Variants in DPYSL3 observed in about 807,000 individuals in gnomAD.
DPYSL3 encodes dihydropyrimidinase like 3, also known as dihydropyrimidinase-related protein 3.
A neutral mutation model predicts 66.1 loss-of-function variants in DPYSL3; 16 were observed. The ratio of observed to expected loss-of-function variants is 0.24; its 90% CI spans 0.16 to 0.37. The LOEUF (loss-of-function observed/expected upper bound fraction) is 0.37. DPYSL3 is among the 10% of genes least tolerant of loss of function. The pLI, the probability that DPYSL3 is intolerant of heterozygous loss-of-function variation, is 1.00. For synonymous variants in DPYSL3, 338 were observed against 345.1 expected, an observed-to-expected ratio of 0.98 and a Z score of 0.23; for missense variants, 738 against 916.2, an observed-to-expected ratio of 0.81 and a Z score of 2.51.
intron 1 of DPYSL3, among the ~76,000 whole-genome samples, chr5:147,484,952 C>T (rs1352689811): frequency 6.6e-6 from 1 of 152,188 alleles, no homozygotes; most frequent in Non-Finnish European, 1.5e-5. Context: ...AGTTTCTCAC[C>T]AGCATCGTTC....
intron 1 of DPYSL3, among the ~76,000 whole-genome samples, chr5:147,485,262 T>G (rs924808326): frequency 3.9e-5 from 6 of 152,190 alleles, no homozygotes; most frequent in African/African-American, 1.4e-4. Context: ...AGCGTGAGTT[T>G]GGAGATTTAG....
At chr5:147,482,996 G>A (rs1270622949) in intron 1 of DPYSL3, among the ~76,000 whole-genome samples, 1 of 152,148 alleles carries the variant, frequency 6.6e-6, no homozygotes, top group Admixed American at 6.5e-5. Flanking sequence ...GCAGCATGGG[G>A]GAACTGCTCC....
intron 1 of DPYSL3, among the ~76,000 whole-genome samples, chr5:147,464,738 C>T (rs952518664): frequency 6.6e-6 from 1 of 152,062 alleles, no homozygotes; most frequent in Non-Finnish European, 1.5e-5. Flanking sequence ...ACCATCTGGA[C>T]CAGTGAAGGT....
At chr5:147,424,799 T>C in intron 2 of DPYSL3, 76 bp downstream of exon 2, 2 of 1,149,980 alleles carry the variant, frequency 1.7e-6, no homozygotes, top group Non-Finnish European at 2.5e-6. Flanking sequence ...TACATTCATG[T>C]AATCCAACCT....
chr5:147,482,768 T>C (rs1385739241), intron 1 of DPYSL3, among the ~76,000 whole-genome samples: 2 of 152,216 alleles, frequency 1.3e-5, no homozygotes, highest in East Asian at 1.9e-4. Context: ...GGTATAAAGA[T>C]ACTGCCTTAG....
At chr5:147,434,437 C>G (rs1417958827) in intron 1 of DPYSL3, among the ~76,000 whole-genome samples, 3 of 152,198 alleles carry the variant, frequency 2.0e-5, no homozygotes, top group Non-Finnish European at 4.4e-5. Flanking sequence ...TTCAATCAAA[C>G]AGGATCTCTT....
Position 147,418,577 on chromosome 5 carries a change from A to T in DPYSL3, c.525T>A (p.Asn175Lys). Residue 175 changes from asparagine to lysine, a missense_variant, in exon 3 of 14, where the codon AAT becomes AAA. Transcript: ENST00000343218. ...TGCCTCCAGGGATCACCATCTTCCC[A>T]TTGGCTTCAATGGTCTTCACTCCTC... The part of the protein sequence containing the change: ...VPGGVKTIEA[N>K]GKMVIPGGID... 1 of 1,612,210 alleles carries T rather than the reference A, an allele frequency of 6.2e-7. No individual in the cohort carries two copies. Among genetic ancestry groups the T allele is most frequent in the East Asian group, 2.2e-5 (1 of 44,840 alleles).
At chr5:147,475,195 C>A (rs763754393) in intron 1 of DPYSL3, among the ~76,000 whole-genome samples, 6 of 152,026 alleles carry the variant, frequency 3.9e-5, no homozygotes, top group Non-Finnish European at 8.8e-5. Flanking sequence ...CCTGGAAACA[C>A]CCCAAATATC....
At chr5:147,408,597 G>A in intron 7 of DPYSL3, 131 bp downstream of exon 7, 1 of 913,834 alleles carries the variant, frequency 1.1e-6, no homozygotes, top group Non-Finnish European at 1.7e-6. Context: ...ACGGGCTCCT[G>A]AGTTAGAGTC....
intron 1 of DPYSL3, among the ~76,000 whole-genome samples, chr5:147,499,421 T>C (rs1202968356): frequency 6.6e-6 from 1 of 152,084 alleles, no homozygotes; most frequent in Non-Finnish European, 1.5e-5. Context: ...AATGAAATAC[T>C]TAGGTATAAA....
In DPYSL3 at chr5:147,392,574, CT is replaced by C. The variant is rs1757842997; in HGVS notation, c.*1460del. ...TCTTCTGAAAATGAGCATCTTGGTT[CT>C]ATAGATTCTTATCTTGCTCACAGGA... On this transcript the variant is annotated 3_prime_UTR_variant, in exon 14 of 14. Transcript: ENST00000343218. 1 of 152,212 alleles carries C rather than the reference CT, an allele frequency of 6.6e-6. No individual in the cohort carries two copies. Among genetic ancestry groups the C allele is most frequent in the South Asian group, 2.1e-4 (1 of 4,834 alleles). The allele number at this position is 152,212 out of a possible 1,614,324, so 9.4% of individuals were successfully genotyped here.
intron 1 of DPYSL3, among the ~76,000 whole-genome samples, chr5:147,497,709 A>T (rs1409011814): frequency 1.8e-5 from 1 of 55,856 alleles, no homozygotes; most frequent in Non-Finnish European, 3.6e-5. Flanking sequence ...ATTCATGATA[A>T]AAAAAAAAAA....
chr5:147,418,334 T>G, intron 3 of DPYSL3, 113 bp downstream of exon 3: 1 of 1,155,528 alleles, frequency 8.7e-7, no homozygotes, highest in Non-Finnish European at 1.2e-6. Flanking sequence ...GCAACACATC[T>G]ATAAACTGAA....
intron 1 of DPYSL3, among the ~76,000 whole-genome samples, chr5:147,457,868 A>G (rs1046733729): frequency 7.2e-5 from 11 of 152,234 alleles, no homozygotes; most frequent in African/African-American, 2.7e-4. Context: ...GAAGAGGAGA[A>G]TATCTTTGCA....
intron 1 of DPYSL3, among the ~76,000 whole-genome samples, chr5:147,452,059 T>C (rs950781754): frequency 6.6e-6 from 1 of 152,094 alleles, no homozygotes. Flanking sequence ...CTGGGGAGTG[T>C]TTCTTCCCCA....
chr5:147,487,415 G>GT (rs1561803752), intron 1 of DPYSL3, among the ~76,000 whole-genome samples: 1 of 152,080 alleles, frequency 6.6e-6, no homozygotes, highest in Admixed American at 6.6e-5. Context: ...CTTAGTTATC[G>GT]TAACTACCTC....
rs1215586774 is a variant in DPYSL3, at chr5:147,399,066, C to T, written c.1623+16G>A. Reference sequence around the variant, plus strand: ...CATTCTCCATTCTACTCCACTCCCACCAGAGCGGGCCTTACAGACTGGTGG... The same window carrying T: ...CATTCTCCATTCTACTCCACTCCCATCAGAGCGGGCCTTACAGACTGGTGG... On this transcript the variant is annotated intron_variant, in intron 11 of 13. Transcript: ENST00000343218. 5 of 1,612,970 alleles carry T rather than the reference C, an allele frequency of 3.1e-6. No individual in the cohort carries two copies. The highest frequency in any genetic ancestry group is 1.7e-5 in the Admixed American group (1 of 59,924).
intron 1 of DPYSL3, among the ~76,000 whole-genome samples, chr5:147,479,786 G>A (rs1231911330): frequency 6.6e-6 from 1 of 152,136 alleles, no homozygotes; most frequent in Non-Finnish European, 1.5e-5. Flanking sequence ...AAGTCCCACT[G>A]TAAAACAGGC....
At chr5:147,441,930 G>A (rs58415426) in intron 1 of DPYSL3, among the ~76,000 whole-genome samples, 3,753 of 152,218 alleles carry the variant, frequency 0.025, 143 homozygotes, top group African/African-American at 0.085. Context: ...GTCCCTAGAA[G>A]CAGATTATAT....
Sources: allele counts gnomAD v4.1 joint callset (sites outside exome capture counted in the v4.1 genomes callset), GRCh38; gene constraint gnomAD v4.1.1; transcripts MANE v1.5; gene names NCBI Gene and HGNC (gene_info 2026-07-23, HGNC 2026-07-21).